Variants in LRRC43 observed in about 807,000 individuals in gnomAD.
LRRC43 encodes the protein leucine rich repeat containing 43.
LRRC43 carries 62 observed loss-of-function variants against 64.3 expected under a neutral mutation model. The ratio of observed to expected loss-of-function variants is 0.96; its 90% CI spans 0.79 to 1.19. The LOEUF (loss-of-function observed/expected upper bound fraction) is 1.19, where lower values mean the gene tolerates loss of function less well. LRRC43 is among the 50% of genes most tolerant of loss of function. The pLI is 0.00. For synonymous variants in LRRC43, 422 were observed against 382.3 expected (o/e 1.10, Z -1.21); for missense variants, 868 against 845.0 (o/e 1.03, Z -0.34).
At chr12:122,173,951 C>G in intron 1 of LRRC43, 1 of 1,614,168 alleles carries the variant, frequency 6.2e-7, no homozygotes, top group African/African-American at 1.3e-5. Flanking sequence ...GCCAGCCAGC[C>G]TCCCAGGCAG....
intron 11 of LRRC43, among the ~76,000 whole-genome samples, chr12:122,201,559 T>C (rs76012893): frequency 0.021 from 3,166 of 152,248 alleles, 78 homozygotes; most frequent in South Asian, 0.068. Flanking sequence ...GGTAGAGCCA[T>C]AGCGGGGCAA....
At chr12:122,179,022 A>G (rs1460767318), upstream of LRRC43, among the ~76,000 whole-genome samples, 1 of 152,226 alleles carries the variant, frequency 6.6e-6, no homozygotes, top group Non-Finnish European at 1.5e-5. Context: ...AGAGGATCAC[A>G]GGCCTCAGGC....
intron 6 of LRRC43, among the ~76,000 whole-genome samples, chr12:122,192,283 C>T (rs1372809844): frequency 1.3e-5 from 2 of 152,142 alleles, no homozygotes; most frequent in Non-Finnish European, 2.9e-5. Context: ...ATTACAGGCT[C>T]GCGCCACCAT....
chr12:122,171,581 G>A (rs947246472), intron 1 of LRRC43, among the ~76,000 whole-genome samples: 6 of 152,006 alleles, frequency 3.9e-5, no homozygotes, highest in Non-Finnish European at 8.8e-5. Context: ...AGGCTGGTCC[G>A]AAACTCTGGC....
chr12:122,181,731 A>C (rs1290704611), upstream of LRRC43, among the ~76,000 whole-genome samples: 1 of 149,342 alleles, frequency 6.7e-6, no homozygotes, highest in African/African-American at 2.5e-5. Context: ...TCAGCCTCCG[A>C]AGTAGCTGGG....
chr12:122,184,279 C>T lies in LRRC43; in HGVS notation c.151-240C>T, dbSNP rs1345627350. ...CCGGCTAATTTTTTGTATTTTTAGT[C>T]GAGACGGGGTTTCACCGTGTTAGCC... On this transcript the variant is annotated intron_variant, in intron 1 of 11. Transcript: ENST00000339777. The surrounding 1 kb of genome is among the most constrained non-coding windows in gnomAD (Gnocchi z 4.0). Among the ~76,000 whole-genome samples, 6 of 151,970 alleles carry T rather than the reference C, an allele frequency of 3.9e-5. No individual in the cohort carries two copies. The East Asian group carries it at 9.7e-4, about 25-fold the overall frequency.
At chr12:122,188,994 C>A (rs1461436453) in intron 4 of LRRC43, among the ~76,000 whole-genome samples, 8 of 152,156 alleles carry the variant, frequency 5.3e-5, no homozygotes, top group Admixed American at 5.2e-4. Context: ...TGGAACCAAG[C>A]CCTAGCGCCA....
intron 1 of LRRC43, chr12:122,174,200 TGG>T: frequency 6.2e-7 from 1 of 1,613,854 alleles, no homozygotes; most frequent in Non-Finnish European, 8.5e-7. Flanking sequence ...CCAGCTTCAG[TGG>T]GGGCTTCTGG....
chr12:122,186,142 G>C (rs553742228), intron 2 of LRRC43, 48 bp from the exon 3 acceptor site: 2 of 1,049,564 alleles, frequency 1.9e-6, no homozygotes, highest in Admixed American at 4.0e-5. Context: ...TTCTGTGCCC[G>C]TGCTCCCTCT....
In LRRC43 at chr12:122,184,895, A is replaced by T; in HGVS notation, c.411+116A>T. On this transcript the variant is annotated intron_variant, in intron 2 of 11. Coordinates refer to ENST00000339777, the MANE Select transcript of LRRC43 (RefSeq NM_001098519.2). The surrounding 1 kb of genome is among the most constrained non-coding windows in gnomAD (Gnocchi z 4.0). ...GGATCCTGCTTTCAGGGCTGAAACG[A>T]AGGCCAGCCTGCCCTCCATCTGCTT... is the stretch of plus-strand genomic sequence containing the variant. 1 of 1,161,794 alleles carries T rather than the reference A, an allele frequency of 8.6e-7. No individual in the cohort carries two copies. The highest frequency in any genetic ancestry group is 2.6e-5 in the East Asian group (1 of 38,766). The allele number at this position is 1,161,794 out of a possible 1,614,324, so 72.0% of individuals were successfully genotyped here.
intron 5 of LRRC43, 70 bp downstream of exon 5, chr12:122,190,438 C>G (rs902860094): frequency 2.9e-5 from 37 of 1,269,944 alleles, no homozygotes; most frequent in Non-Finnish European, 4.2e-5. Context: ...GTGCCCCGCC[C>G]TCCTGGGTCC....
intron 1 of LRRC43, chr12:122,172,837 G>A (rs1953499771): frequency 4.3e-6 from 4 of 928,092 alleles, no homozygotes; most frequent in East Asian, 2.6e-5. Context: ...AACCCGCCTC[G>A]TTGATATATT....
chr12:122,192,678 C>T, intron 6 of LRRC43, 67 bp from the exon 7 acceptor site: 1 of 1,568,638 alleles, frequency 6.4e-7, no homozygotes. Context: ...GTTACAGACA[C>T]CCCCGGCATC....
At chr12:122,187,896 G>A in intron 4 of LRRC43, 56 bp downstream of exon 4, 1 of 1,585,840 alleles carries the variant, frequency 6.3e-7, no homozygotes, top group South Asian at 1.1e-5. Context: ...TCAGGTTGGG[G>A]CGATTCTACC....
Position 122,176,459 on chromosome 12 carries a change from G to C in LRRC43, c.-405-8060G>C, listed in dbSNP as rs985469389. 1.8e-4 allele frequency among the ~76,000 whole-genome samples: 27 copies of C among 152,186 alleles called. 1 individual carries two copies. The highest frequency in any genetic ancestry group is 3.4e-3 in the Middle Eastern group (1 of 294). ...TCCACATGTGACGAGGCAGTGCTGG[G>C]CGGCTTTCAGTAGGGAAACATAAGA... On this transcript the variant is annotated intron_variant, in intron 1 of 5. Transcript: ENST00000537729.
At chr12:122,185,922 G>A (rs1040565139) in intron 2 of LRRC43, among the ~76,000 whole-genome samples, 7 of 152,164 alleles carry the variant, frequency 4.6e-5, no homozygotes, top group African/African-American at 1.4e-4. Flanking sequence ...TCCTGCCCTC[G>A]CAGGTGGCTT....
In LRRC43 at chr12:122,200,595, G is replaced by C. The variant is rs936140104; in HGVS notation, c.1555G>C (p.Gly519Arg). The C allele has an allele frequency of 1.9e-6, 3 of 1,614,120 alleles. No homozygotes were observed. The highest frequency in any genetic ancestry group is 2.5e-6 in the Non-Finnish European group (3 of 1,179,970). ...TCCCCTGTCTGCCAAGAAAGGAAAG[G>C]GGGAGAAAGACAAGAAAGGGAAGGA... ...DSPLSAKKGK[G>R]EKDKKGKEKD... is the part of the protein sequence containing the mutation. Residue 519 changes from glycine (G) to arginine (R), a missense_variant, in exon 9 of 12, where the codon GGG becomes CGG. By Grantham distance (125) the Gly-to-Arg change is moderately radical. Coordinates refer to ENST00000339777, the MANE Select transcript of LRRC43 (RefSeq NM_001098519.2). This position sits in a 1 kb window ranked among gnomAD's most constrained non-coding sequence, Gnocchi z 4.6.
intron 4 of LRRC43, 63 bp downstream of exon 4, chr12:122,187,903 T>C (rs2136037802): frequency 1.9e-6 from 3 of 1,548,184 alleles, no homozygotes; most frequent in Non-Finnish European, 2.7e-6. Context: ...GGGGCGATTC[T>C]ACCCCAGTGG....
At chr12:122,181,687 C>T (rs1255716327), upstream of LRRC43, among the ~76,000 whole-genome samples, 1 of 147,298 alleles carries the variant, frequency 6.8e-6, no homozygotes, top group Non-Finnish European at 1.5e-5. Context: ...CTCACTGCAA[C>T]CTCCGCCTCC....
Sources: allele counts gnomAD v4.1 joint callset (sites outside exome capture counted in the v4.1 genomes callset), GRCh38; gene constraint gnomAD v4.1.1; non-coding constraint Gnocchi (gnomAD v3.1); transcripts MANE v1.5; gene names NCBI Gene and HGNC (gene_info 2026-07-23, HGNC 2026-07-21).